BMPER: variants seen among roughly 807,000 people sequenced by gnomAD.
BMPER encodes the protein BMP binding endothelial regulator, also known as BMP-binding endothelial regulator protein.
A neutral mutation model predicts 87.3 loss-of-function variants in BMPER; 45 were observed. The ratio of observed to expected loss-of-function variants is 0.52; its 90% CI spans 0.41 to 0.66. BMPER has a LOEUF of 0.66. Among genes scored for constraint, BMPER ranks in the 30% least tolerant of loss-of-function variants. The pLI, the probability that BMPER is intolerant of heterozygous loss-of-function variation, is 0.00. For synonymous variants in BMPER, 326 were observed against 316.2 expected (o/e 1.03, Z -0.33); for missense variants, 784 against 867.5 (o/e 0.90, Z 1.21).
intron 6 of BMPER, among the ~76,000 whole-genome samples, chr7:34,013,348 G>A (rs1004125837): frequency 2.0e-5 from 3 of 151,290 alleles, no homozygotes; most frequent in Admixed American, 6.6e-5. Context: ...TTGAATCTAT[G>A]GCTCCTCAAC....
intron 13 of BMPER, among the ~76,000 whole-genome samples, chr7:34,099,589 G>A (rs999178917): frequency 3.9e-5 from 6 of 152,068 alleles, no homozygotes; most frequent in Admixed American, 3.9e-4. Flanking sequence ...TATGGATTTC[G>A]AAATGGTGGC....
intron 3 of BMPER, among the ~76,000 whole-genome samples, chr7:33,964,185 C>T (rs1249166911): frequency 6.6e-6 from 1 of 152,024 alleles, no homozygotes; most frequent in African/African-American, 2.4e-5. Context: ...ATGAGAATGT[C>T]CTTTCTTTAA....
intron 2 of BMPER, among the ~76,000 whole-genome samples, chr7:33,925,125 T>C (rs887557146): frequency 1.3e-5 from 2 of 152,218 alleles, no homozygotes; most frequent in African/African-American, 2.4e-5. Flanking sequence ...TGTGAGGACA[T>C]GGCCCTCCCA....
At chr7:33,965,542 T>A (rs1785384905) in intron 3 of BMPER, among the ~76,000 whole-genome samples, 1 of 152,202 alleles carries the variant, frequency 6.6e-6, no homozygotes, top group Non-Finnish European at 1.5e-5. Context: ...ACCCTTTTAT[T>A]TCTGCATTAT....
intron 13 of BMPER, among the ~76,000 whole-genome samples, chr7:34,123,281 G>A (rs531819907): frequency 3.3e-5 from 5 of 152,280 alleles, no homozygotes; most frequent in South Asian, 2.1e-4. Context: ...TATGCTTCCC[G>A]AAGAGAATCA....
At chr7:34,132,875 C>T (rs1790629865) in intron 13 of BMPER, among the ~76,000 whole-genome samples, 1 of 152,282 alleles carries the variant, frequency 6.6e-6, no homozygotes, top group African/African-American at 2.4e-5. Flanking sequence ...GGTATTACCA[C>T]CTCAGACTTG....
chr7:33,989,705 A>T (rs1179781550), intron 6 of BMPER, among the ~76,000 whole-genome samples: 1 of 152,134 alleles, frequency 6.6e-6, no homozygotes, highest in Non-Finnish European at 1.5e-5. Flanking sequence ...CTGTGTCCTG[A>T]ATGGTAATGC....
intron 6 of BMPER, among the ~76,000 whole-genome samples, chr7:33,982,213 A>G (rs1785882731): frequency 6.6e-6 from 1 of 152,154 alleles, no homozygotes; most frequent in Non-Finnish European, 1.5e-5. Flanking sequence ...ACCCTCTCTC[A>G]TGCCCTCTGC....
At chr7:34,084,288 A>T (rs1789140075) in intron 12 of BMPER, among the ~76,000 whole-genome samples, 1 of 152,216 alleles carries the variant, frequency 6.6e-6, no homozygotes, top group Non-Finnish European at 1.5e-5. Flanking sequence ...GCGACAGAGC[A>T]AGACTGTCTA....
intron 12 of BMPER, among the ~76,000 whole-genome samples, chr7:34,081,387 C>G (rs368873470): frequency 2.6e-5 from 4 of 152,202 alleles, no homozygotes; most frequent in African/African-American, 9.6e-5. Flanking sequence ...AAACTCAAGC[C>G]TGCAGCTGGA....
chr7:33,958,065 G>A (rs535700130), intron 3 of BMPER, among the ~76,000 whole-genome samples: 5 of 152,176 alleles, frequency 3.3e-5, no homozygotes, highest in African/African-American at 1.2e-4. Context: ...TTCCTTATGA[G>A]GTTGTTGGTT....
chr7:34,065,823 T>A (rs2127967347), intron 11 of BMPER, among the ~76,000 whole-genome samples: 1 of 152,338 alleles, frequency 6.6e-6, no homozygotes, highest in Non-Finnish European at 1.5e-5. Flanking sequence ...ATATGTCCAC[T>A]CTTACGTGTT....
At chr7:34,152,486 A>G (rs932320402) in intron 14 of BMPER, among the ~76,000 whole-genome samples, 1 of 152,176 alleles carries the variant, frequency 6.6e-6, no homozygotes, top group African/African-American at 2.4e-5. Context: ...GTGACGTGGC[A>G]ACATCATCAT....
intron 13 of BMPER, among the ~76,000 whole-genome samples, chr7:34,132,446 C>A (rs34845605): frequency 0.15 from 22,386 of 146,326 alleles, 2,298 homozygotes; most frequent in Non-Finnish European, 0.19. Flanking sequence ...CTCCCTACCA[C>A]GCCCCAAAGG....
intron 6 of BMPER, among the ~76,000 whole-genome samples, chr7:33,990,230 G>C (rs1786165460): frequency 6.9e-6 from 1 of 145,612 alleles, no homozygotes; most frequent in South Asian, 2.2e-4. Flanking sequence ...TCATGATATT[G>C]ATTCTTCCTT....
At chr7:34,095,867 A>C (rs1789515582) in intron 13 of BMPER, among the ~76,000 whole-genome samples, 2 of 152,162 alleles carry the variant, frequency 1.3e-5, no homozygotes, top group South Asian at 4.1e-4. Flanking sequence ...TCCTTTCTGG[A>C]ACAAGTTGGA....
chr7:34,046,218 G>A (rs952082847), intron 6 of BMPER, 88 bp from the exon 7 acceptor site: 5 of 1,237,600 alleles, frequency 4.0e-6, no homozygotes, highest in Non-Finnish European at 5.9e-6. Flanking sequence ...ACTATGGAAG[G>A]GCCTTAGGTT....
At chr7:34,054,962 C>T (rs570926508) in intron 8 of BMPER, among the ~76,000 whole-genome samples, 2 of 152,282 alleles carry the variant, frequency 1.3e-5, no homozygotes, top group East Asian at 1.9e-4. Context: ...ATAGTTTCCA[C>T]AGTGCCCTGA....
intron 13 of BMPER, among the ~76,000 whole-genome samples, chr7:34,094,391 G>A (rs1210537489): frequency 6.6e-6 from 1 of 152,136 alleles, no homozygotes; most frequent in Non-Finnish European, 1.5e-5. Context: ...GGGGGTGGCC[G>A]ATTTTGAGGT....
Sources: allele counts gnomAD v4.1 joint callset (sites outside exome capture counted in the v4.1 genomes callset), GRCh38; gene constraint gnomAD v4.1.1; transcripts MANE v1.5; gene names NCBI Gene and HGNC (gene_info 2026-07-23, HGNC 2026-07-21).